RAD51B: variants seen among roughly 807,000 people sequenced by gnomAD.
RAD51B encodes the protein RAD51 paralog B.
RAD51B carries 38 observed loss-of-function variants against 42.2 expected under a neutral mutation model. The observed-to-expected ratio is 0.90, with a 90% CI of 0.70 to 1.18. RAD51B has a LOEUF of 1.18. Ranked by LOEUF, RAD51B falls within the 50% of genes most tolerant of loss-of-function variation. The pLI, the probability that RAD51B is intolerant of heterozygous loss-of-function variation, is 0.00. For synonymous variants in RAD51B, 154 were observed against 145.2 expected, an observed-to-expected ratio of 1.06 and a Z score of -0.43; for missense variants, 373 against 400.7, an observed-to-expected ratio of 0.93 and a Z score of 0.59.
chr14:67,835,102 G>C lies in RAD51B; in HGVS notation c.221G>C (p.Arg74Thr), dbSNP rs1350517524. ...TAGGCTTATGGGATAAAAGCACAAA[G>C]GTCTGCTGATTTCTCACCAGCATTC... ...MQTAYGIKAQRSADFSPAFLS... is the reference protein window; with the variant it reads ...MQTAYGIKAQTSADFSPAFLS... Residue 74 changes from arginine (R) to threonine (T), a missense_variant, in exon 4 of 11, where the codon AGG (arginine) becomes ACG (threonine). Transcript: ENST00000471583. The C allele has an allele frequency of 1.9e-6, 3 of 1,612,952 alleles. No homozygotes were observed. Among genetic ancestry groups the C allele is most frequent in the Non-Finnish European group, 1.7e-6 (2 of 1,179,224 alleles).
chr14:68,259,932 G>GAAA (rs1038397765), intron 7 of RAD51B, among the ~76,000 whole-genome samples: 1 of 152,152 alleles, frequency 6.6e-6, no homozygotes, highest in Non-Finnish European at 1.5e-5. Flanking sequence ...AGAAAGTGGT[G>GAAA]AAAAAGACAG....
At chr14:68,273,476 T>C (rs1345735541) in intron 7 of RAD51B, among the ~76,000 whole-genome samples, 3 of 152,176 alleles carry the variant, frequency 2.0e-5, no homozygotes, top group African/African-American at 7.2e-5. Flanking sequence ...TTAAGGCAAA[T>C]TAAGTGACAA....
intron 10 of RAD51B, chr14:68,470,436 G>C (rs1033714821): frequency 4.3e-6 from 2 of 460,722 alleles, no homozygotes; most frequent in African/African-American, 4.0e-5. Context: ...GAAAATGCAG[G>C]CCCCTCATTT....
At chr14:68,640,689 G>A (rs1055399656) in intron 10 of RAD51B, among the ~76,000 whole-genome samples, 1 of 152,226 alleles carries the variant, frequency 6.6e-6, no homozygotes, top group Non-Finnish European at 1.5e-5. Context: ...ACTTACAGTG[G>A]AGAAGAAGAG....
chr14:68,283,386 A>T lies in RAD51B; in HGVS notation c.757-8498A>T, dbSNP rs1471113104. The stretch of plus-strand genomic sequence containing the variant: ...TACAGTGCAGCAGAAGGCTGGTAGG[A>T]TAGTTTCTTCCACATCCATGTGAAC... On this transcript the variant is annotated intron_variant, in intron 7 of 10. Transcript: ENST00000471583. Among the ~76,000 whole-genome samples the T allele has an allele frequency of 3.3e-5, 5 of 152,328 alleles. No homozygotes were observed. In the East Asian group the frequency reaches 5.8e-4, roughly 18 times the overall value.
chr14:68,211,187 C>T (rs956619474), intron 7 of RAD51B, among the ~76,000 whole-genome samples: 6 of 152,260 alleles, frequency 3.9e-5, no homozygotes, highest in African/African-American at 1.4e-4. Context: ...ATTAAGTGGC[C>T]TAGCTCAGAA....
chr14:68,179,270 A>G (rs953983957), intron 7 of RAD51B, among the ~76,000 whole-genome samples: 1 of 152,084 alleles, frequency 6.6e-6, no homozygotes, highest in Non-Finnish European at 1.5e-5. Flanking sequence ...TCTTTTCAGG[A>G]TGAGGCTCTG....
intron 7 of RAD51B, among the ~76,000 whole-genome samples, chr14:67,999,155 T>G (rs1566567640): frequency 1.3e-5 from 2 of 152,090 alleles, no homozygotes; most frequent in Non-Finnish European, 2.9e-5. Flanking sequence ...TAACACTAAC[T>G]TTTGTCTGAG....
At chr14:68,076,121 A>G (rs2076829909) in intron 7 of RAD51B, among the ~76,000 whole-genome samples, 1 of 152,232 alleles carries the variant, frequency 6.6e-6, no homozygotes, top group Non-Finnish European at 1.5e-5. Flanking sequence ...TTAGGAAAGG[A>G]AATACTGAGG....
chr14:68,604,130 G>A lies in RAD51B; in HGVS notation c.1037-6876G>A, dbSNP rs574867476. On this transcript the variant is annotated intron_variant, in intron 10 of 10. Transcript: ENST00000487861. Reference sequence around the variant, plus strand: ...AGCCTGAGAAGCGCAGACGTCTCCTGGCTGGGGAGTCCGTCTAGAAAGTCG... The same window carrying A: ...AGCCTGAGAAGCGCAGACGTCTCCTAGCTGGGGAGTCCGTCTAGAAAGTCG... 4.1e-4 allele frequency among the ~76,000 whole-genome samples: 63 copies of A among 152,352 alleles called. No individual in the cohort carries two copies. In the South Asian group the frequency reaches 7.0e-3, roughly 17 times the overall value.
chr14:68,130,367 T>C (rs1310697507), intron 7 of RAD51B, among the ~76,000 whole-genome samples: 1 of 152,242 alleles, frequency 6.6e-6, no homozygotes, highest in Admixed American at 6.5e-5. Flanking sequence ...TTGCTGTGTT[T>C]AAAGATTGGG....
At chr14:68,646,265 G>A (rs1442866358) in intron 10 of RAD51B, among the ~76,000 whole-genome samples, 1 of 152,154 alleles carries the variant, frequency 6.6e-6, no homozygotes, top group Admixed American at 6.5e-5. Flanking sequence ...GCTGCTTTGA[G>A]TTATTTCATT....
chr14:68,368,263 G>A (rs2083182971), intron 8 of RAD51B, among the ~76,000 whole-genome samples: 1 of 152,076 alleles, frequency 6.6e-6, no homozygotes, highest in Non-Finnish European at 1.5e-5. Context: ...TTTCACAAAT[G>A]AGCACACAGC....
chr14:68,444,430 G>C (rs1460390163), intron 9 of RAD51B, among the ~76,000 whole-genome samples: 1 of 136,302 alleles, frequency 7.3e-6, no homozygotes. Flanking sequence ...CAGGTGGAAA[G>C]AATTGTGAAT....
At chr14:68,103,573 A>G (rs1471447645) in intron 7 of RAD51B, among the ~76,000 whole-genome samples, 1 of 152,202 alleles carries the variant, frequency 6.6e-6, no homozygotes, top group African/African-American at 2.4e-5. Flanking sequence ...CTATTTCGTT[A>G]TAATGTTTAT....
chr14:68,530,157 G>A (rs1887185025), intron 10 of RAD51B, among the ~76,000 whole-genome samples: 1 of 151,990 alleles, frequency 6.6e-6, no homozygotes, highest in Non-Finnish European at 1.5e-5. Flanking sequence ...AGTATTAAAA[G>A]TTGTGGCTGG....
intron 7 of RAD51B, among the ~76,000 whole-genome samples, chr14:68,288,599 G>T (rs957621468): frequency 3.3e-5 from 5 of 152,184 alleles, no homozygotes; most frequent in African/African-American, 1.2e-4. Flanking sequence ...CTCAGTACAG[G>T]TTTCCATTAC....
intron 7 of RAD51B, among the ~76,000 whole-genome samples, chr14:68,120,981 A>G (rs2077641579): frequency 6.6e-6 from 1 of 152,162 alleles, no homozygotes; most frequent in Non-Finnish European, 1.5e-5. Flanking sequence ...CTTCTGTCAT[A>G]TTGCTAGGAG....
intron 8 of RAD51B, among the ~76,000 whole-genome samples, chr14:68,301,047 G>A (rs1027167519): frequency 2.6e-5 from 4 of 152,174 alleles, no homozygotes; most frequent in Non-Finnish European, 4.4e-5. Context: ...ATGTATATGT[G>A]TATATGTGCA....
Sources: allele counts gnomAD v4.1 joint callset (sites outside exome capture counted in the v4.1 genomes callset), GRCh38; gene constraint gnomAD v4.1.1; transcripts MANE v1.5; gene names NCBI Gene and HGNC (gene_info 2026-07-23, HGNC 2026-07-21).